Variants in ZDHHC11B observed in about 807,000 individuals in gnomAD.
ZDHHC11B encodes the protein zDHHC palmitoyltransferase 11B (putative).
A neutral mutation model predicts 42.3 loss-of-function variants in ZDHHC11B; 17 were observed. The ratio of observed to expected loss-of-function variants is 0.40; its 90% CI spans 0.27 to 0.60. ZDHHC11B has a LOEUF of 0.60. Among genes scored for constraint, ZDHHC11B ranks in the 20% least tolerant of loss-of-function variants. ZDHHC11B has a pLI of 0.41. For synonymous variants in ZDHHC11B, 123 were observed against 193.5 expected (o/e 0.64, Z 3.02); for missense variants, 262 against 463.2 (o/e 0.57, Z 3.99).
At chr5:752,128 C>G (rs1371996913) in intron 6 of ZDHHC11B, among the ~76,000 whole-genome samples, 2 of 120,746 alleles carry the variant, frequency 1.7e-5, no homozygotes, top group Non-Finnish European at 3.7e-5. Flanking sequence ...CTCCATGGCA[C>G]CATGCTGGGC....
intron 10 of ZDHHC11B, among the ~76,000 whole-genome samples, chr5:735,920 G>A (rs1743463094): frequency 6.8e-6 from 1 of 148,070 alleles, no homozygotes; most frequent in African/African-American, 2.5e-5. Flanking sequence ...AAAAAACCAA[G>A]GTATTCAGGC....
chr5:742,547 C>A (rs1330646220), intron 9 of ZDHHC11B, among the ~76,000 whole-genome samples: 1 of 145,212 alleles, frequency 6.9e-6, no homozygotes, highest in Non-Finnish European at 1.5e-5. Context: ...TATGTCGGCG[C>A]CATTTTCCCC....
At chr5:760,643 G>A (rs1734483133) in intron 4 of ZDHHC11B, among the ~76,000 whole-genome samples, 1 of 151,854 alleles carries the variant, frequency 6.6e-6, no homozygotes, top group East Asian at 1.9e-4. Context: ...AGCAGGGGAG[G>A]GCACCTTCCT....
rs557619429 is a variant in ZDHHC11B, at chr5:748,595, C to T, written c.629-36G>A. 45 of 1,345,450 alleles carry T rather than the reference C, an allele frequency of 3.3e-5. 7 individuals carry two copies. In the African/African-American group the frequency reaches 5.7e-4, roughly 17 times the overall value. The allele number at this position is 1,345,450 out of a possible 1,614,324, so 83.3% of individuals were successfully genotyped here. A position where few individuals can be genotyped will look rare whatever the true frequency, so the allele number is the denominator to read the frequency against. On this transcript the variant is annotated intron_variant, in intron 7 of 13. Coordinates refer to ENST00000508859, the MANE Select transcript of ZDHHC11B (RefSeq NM_001351303.2). The stretch of plus-strand genomic sequence containing the variant: ...AAGGGAGAGACACTGTGTCCAGCAC[C>T]TGCTGACGGGTGCCACATCAGGTGG...
At chr5:772,661 G>A (rs201703253) in intron 1 of ZDHHC11B, among the ~76,000 whole-genome samples, 9,942 of 123,590 alleles carry the variant, frequency 0.08, 9 homozygotes, top group South Asian at 0.18. Context: ...ACGGGCGCTT[G>A]GGAGGGCTGA....
chr5:754,363 A>C (rs5028822), intron 6 of ZDHHC11B, among the ~76,000 whole-genome samples: 11,623 of 19,696 alleles, frequency 0.59, 4,199 homozygotes, highest in Middle Eastern at 0.95. Context: ...CTCCACCGTG[A>C]TCAGGGGAAA....
intron 6 of ZDHHC11B, among the ~76,000 whole-genome samples, chr5:751,786 C>T (rs1249561938): frequency 1.6e-5 from 2 of 124,644 alleles, no homozygotes; most frequent in African/African-American, 2.6e-5. Context: ...AGAGGGGTGG[C>T]CGTGGGACAT....
chr5:715,110 G>A (rs1280012670), intron 13 of ZDHHC11B, among the ~76,000 whole-genome samples: 9 of 150,286 alleles, frequency 6.0e-5, no homozygotes, highest in South Asian at 2.1e-4. Flanking sequence ...CCAAATACAC[G>A]ATTTTTCTTT....
intron 12 of ZDHHC11B, among the ~76,000 whole-genome samples, chr5:725,921 G>A (rs1392287576): frequency 6.6e-6 from 1 of 152,172 alleles, no homozygotes; most frequent in Non-Finnish European, 1.5e-5. Context: ...GCAGGGGGAT[G>A]ATGCAAAGGA....
chr5:749,638 C>T (rs1745340513), intron 7 of ZDHHC11B, among the ~76,000 whole-genome samples: 1 of 129,866 alleles, frequency 7.7e-6, no homozygotes, highest in African/African-American at 2.5e-5. Flanking sequence ...GAACAGCAAA[C>T]GGAGGAATTC....
intron 12 of ZDHHC11B, among the ~76,000 whole-genome samples, chr5:722,600 A>T (rs1483885213): frequency 6.6e-6 from 1 of 151,676 alleles, no homozygotes; most frequent in Non-Finnish European, 1.5e-5. Flanking sequence ...ACACCTTTAA[A>T]AAACAGTGGC....
At position 775,835 on chromosome 5, in the gene ZDHHC11B, G is replaced by A. The variant is rs1416634764; in HGVS notation, c.-229-6905C>T. ...GCATCCAGGGAGCTGTGAAGGACACGCTGTGTTGCAAGCTGACTGGGAAAC... is the reference window on the plus strand; with the variant it reads ...GCATCCAGGGAGCTGTGAAGGACACACTGTGTTGCAAGCTGACTGGGAAAC... On this transcript the variant is annotated intron_variant, in intron 1 of 13. Transcript: ENST00000508859. Among the ~76,000 whole-genome samples the A allele has an allele frequency of 8.5e-4, 129 of 151,178 alleles. 3 individuals are homozygous for A. The highest frequency in any genetic ancestry group is 2.6e-3 in the African/African-American group (108 of 41,230).
intron 4 of ZDHHC11B, among the ~76,000 whole-genome samples, chr5:761,416 G>T (rs1355959373): frequency 1.3e-5 from 2 of 151,880 alleles, no homozygotes; most frequent in African/African-American, 2.4e-5. Context: ...GGCTTTGGGG[G>T]TATGGGGACT....
intron 4 of ZDHHC11B, among the ~76,000 whole-genome samples, chr5:757,633 G>A (rs1463645440): frequency 6.6e-6 from 1 of 151,960 alleles, no homozygotes; most frequent in Non-Finnish European, 1.5e-5. Context: ...GCAGACACAG[G>A]TGCCGAATCC....
rs2335622 is a variant in ZDHHC11B at position 737,606 on chromosome 5, A to G, written c.936-3767T>C. Among the ~76,000 whole-genome samples the G allele has an allele frequency of 4.4e-4, 66 of 149,032 alleles. 1 individual carries two copies. Among genetic ancestry groups the G allele is most frequent in the Non-Finnish European group, 5.8e-4 (39 of 67,464 alleles). On this transcript the variant is annotated intron_variant, in intron 10 of 13. Transcript: ENST00000508859. Reference sequence around the variant, plus strand: ...CATAGCAAAAAGATAATAACACCATAGTCAAGTGGGTTTCATACCACGTAT... The same window carrying G: ...CATAGCAAAAAGATAATAACACCATGGTCAAGTGGGTTTCATACCACGTAT...
At chr5:784,473 G>A (rs537068151) in intron 1 of ZDHHC11B, among the ~76,000 whole-genome samples, 195 bp downstream of exon 1, 10 of 152,358 alleles carry the variant, frequency 6.6e-5, no homozygotes, top group South Asian at 4.1e-4. Context: ...TCCTCGCACC[G>A]AGCCCGCAGC....
intron 4 of ZDHHC11B, among the ~76,000 whole-genome samples, chr5:760,280 A>G (rs1734428056): frequency 1.3e-5 from 2 of 151,848 alleles, no homozygotes; most frequent in African/African-American, 4.8e-5. Context: ...GCTTGGAAAT[A>G]GGGTCTTTGC....
chr5:771,323 A>C lies in ZDHHC11B; in HGVS notation c.-229-2393T>G, dbSNP rs452681. On this transcript the variant is annotated intron_variant, in intron 1 of 13. Coordinates refer to ENST00000508859, the MANE Select transcript of ZDHHC11B (RefSeq NM_001351303.2). The stretch of plus-strand genomic sequence containing the variant: ...GGAAAAAAATCCAGGGGCACTCCCT[A>C]CACTGAAGACCTTAAGGGCCTCAGG... 1.5e-3 allele frequency among the ~76,000 whole-genome samples: 220 copies of C among 150,720 alleles called. 2 individuals carry two copies. The highest frequency in any genetic ancestry group is 4.5e-3 in the African/African-American group (181 of 40,584).
intron 10 of ZDHHC11B, among the ~76,000 whole-genome samples, chr5:737,449 C>T (rs4469231): frequency 0.67 from 97,966 of 146,564 alleles, 31,781 homozygotes; most frequent in Middle Eastern, 0.78. Context: ...TAAATCGTTC[C>T]ATGAAGCCAG....
Sources: allele counts gnomAD v4.1 joint callset (sites outside exome capture counted in the v4.1 genomes callset), GRCh38; gene constraint gnomAD v4.1.1; transcripts MANE v1.5; gene names NCBI Gene and HGNC (gene_info 2026-07-23, HGNC 2026-07-21).